Variants in TMEM207 observed in about 807,000 individuals in gnomAD.
TMEM207 encodes the protein transmembrane protein 207.
Under a neutral mutation model 17.4 loss-of-function variants are expected in TMEM207, and 15 were observed. The observed-to-expected ratio is 0.86, with a 90% CI of 0.58 to 1.33. The LOEUF (loss-of-function observed/expected upper bound fraction) is 1.33. TMEM207 is among the 40% of genes most tolerant of loss of function. The pLI is 0.00. For missense variants in TMEM207, 205 were observed against 173.8 expected (o/e 1.18, Z -1.01); for synonymous variants, 70 against 65.6 (o/e 1.07, Z -0.33).
intron 2 of TMEM207, among the ~76,000 whole-genome samples, chr3:190,442,898 T>G (rs1719964341): frequency 6.6e-6 from 1 of 152,198 alleles, no homozygotes; most frequent in Non-Finnish European, 1.5e-5. Flanking sequence ...AGTACAATGA[T>G]TTCGCCAAAA....
intron 2 of TMEM207, among the ~76,000 whole-genome samples, chr3:190,446,188 A>G (rs879632021): frequency 1.3e-5 from 2 of 152,206 alleles, no homozygotes; most frequent in African/African-American, 2.4e-5. Context: ...AAATGGATGA[A>G]TATGGTCTCT....
At chr3:190,441,561 T>C in intron 2 of TMEM207, 79 bp from the exon 3 acceptor site, 1 of 1,127,304 alleles carries the variant, frequency 8.9e-7, no homozygotes, top group Non-Finnish European at 1.3e-6. Flanking sequence ...AAATTGGTAC[T>C]GATCACACTT....
chr3:190,447,589 AG>A (rs975014353), intron 2 of TMEM207, among the ~76,000 whole-genome samples, 200 bp downstream of exon 2: 6 of 152,168 alleles, frequency 3.9e-5, no homozygotes, highest in African/African-American at 1.4e-4. Context: ...TATTTAACAA[AG>A]CTGATCGTAA....
intron 2 of TMEM207, among the ~76,000 whole-genome samples, chr3:190,443,145 C>CTTTTTTTTTTTTTTTTTTT (rs201791052): frequency 7.1e-5 from 10 of 140,332 alleles, no homozygotes; most frequent in Non-Finnish European, 9.3e-5. Flanking sequence ...ATTAAAAAAG[C>CTTTTTTTTTTTTTTTTTTT]TTTTTTTTTT....
rs554650660 is a variant in TMEM207, at chr3:190,449,636, A to C, written c.75+99T>G. 5.9e-6 allele frequency: 6 copies of C among 1,017,800 alleles called. No homozygotes were observed. In the East Asian group the frequency reaches 1.5e-4, roughly 26 times the overall value. The allele number at this position is 1,017,800 out of a possible 1,614,324, so 63.0% of individuals were successfully genotyped here. A position where few individuals can be genotyped will look rare whatever the true frequency, so the allele number is the denominator to read the frequency against. Reference sequence around the variant, plus strand: ...TTGAAGGAAATCTTTTAAATGTAGAAGCAGTTAAGTTGCTCACATATAAAT... The same window carrying C: ...TTGAAGGAAATCTTTTAAATGTAGACGCAGTTAAGTTGCTCACATATAAAT... On this transcript the variant is annotated intron_variant, in intron 1 of 4. Coordinates refer to ENST00000354905, the MANE Select transcript of TMEM207 (RefSeq NM_207316.3).
chr3:190,443,804 T>C (rs1035344739), intron 2 of TMEM207, among the ~76,000 whole-genome samples: 1 of 152,220 alleles, frequency 6.6e-6, no homozygotes, highest in Non-Finnish European at 1.5e-5. Context: ...GAAAATGAAA[T>C]TATTCCTCAG....
At chr3:190,443,305 A>G (rs778029383) in intron 2 of TMEM207, among the ~76,000 whole-genome samples, 1 of 151,972 alleles carries the variant, frequency 6.6e-6, no homozygotes, top group Non-Finnish European at 1.5e-5. Flanking sequence ...TCAATTCTAA[A>G]TATTAACCAC....
intron 4 of TMEM207, among the ~76,000 whole-genome samples, chr3:190,435,520 C>T (rs1478890979): frequency 6.6e-6 from 1 of 152,108 alleles, no homozygotes. Flanking sequence ...CAACAGGGGG[C>T]ATCAGAGGGA....
At chr3:190,440,192 C>G in intron 4 of TMEM207, 52 bp downstream of exon 4, 1 of 1,551,052 alleles carries the variant, frequency 6.4e-7, no homozygotes, top group Non-Finnish European at 8.7e-7. Flanking sequence ...TTCAATTAAC[C>G]GCAAAACCAC....
Position 190,436,567 on chromosome 3 carries a change from C to T in TMEM207, c.304+3677G>A, listed in dbSNP as rs184916487. ...GTGGAGGTAGATGCTGTGGTTTTGA[C>T]CCTCACCTCCTTCTGTAGCCACAAA... On this transcript the variant is annotated intron_variant, in intron 4 of 4. Coordinates refer to ENST00000354905, the MANE Select transcript of TMEM207 (RefSeq NM_207316.3). Among the ~76,000 whole-genome samples, 232 of 152,306 alleles carry T rather than the reference C, an allele frequency of 1.5e-3. 1 individual carries two copies. Among genetic ancestry groups the T allele is most frequent in the African/African-American group, 4.9e-3 (203 of 41,576 alleles).
At chr3:190,435,000 C>T (rs753218566) in intron 4 of TMEM207, among the ~76,000 whole-genome samples, 4 of 152,188 alleles carry the variant, frequency 2.6e-5, no homozygotes, top group Non-Finnish European at 4.4e-5. Flanking sequence ...TGTTTCTTCT[C>T]TTCTTCCTCT....
Position 190,440,254 on chromosome 3 carries a change from G to A in TMEM207, c.294C>T (p.Asp98=). 1.2e-6 allele frequency: 2 copies of A among 1,613,850 alleles called. No individual in the cohort carries two copies. Among genetic ancestry groups the A allele is most frequent in the Non-Finnish European group, 1.7e-6 (2 of 1,179,942 alleles). The part of the protein sequence containing the change: ...TMAVFAVGDL[D]SIYGTEAAVS... The stretch of plus-strand genomic sequence containing the variant: ...GTGCAGACAACTCACCATAAATAGA[G>A]TCCAAGTCTCCAACAGCAAAAACTG... The change falls in exon 4 of 5, where the codon GAC becomes GAT. Residue 98 remains aspartate, a synonymous_variant. Transcript: ENST00000354905.
At chr3:190,442,484 C>T (rs530452360) in intron 2 of TMEM207, among the ~76,000 whole-genome samples, 4 of 152,196 alleles carry the variant, frequency 2.6e-5, no homozygotes, top group Non-Finnish European at 4.4e-5. Flanking sequence ...TGACTTTTAA[C>T]ATATGTGAAG....
At chr3:190,434,855 G>C (rs564335785) in intron 4 of TMEM207, among the ~76,000 whole-genome samples, 2 of 152,178 alleles carry the variant, frequency 1.3e-5, no homozygotes, top group East Asian at 1.9e-4. Flanking sequence ...ATAGTAAAGG[G>C]AGAAGAAAGA....
chr3:190,433,458 TA>T (rs1338696890), intron 4 of TMEM207, among the ~76,000 whole-genome samples: 1 of 152,190 alleles, frequency 6.6e-6, no homozygotes, highest in Non-Finnish European at 1.5e-5. Flanking sequence ...TATCTTTTTT[TA>T]AAAAAACTAT....
chr3:190,441,558 T>C, intron 2 of TMEM207, 76 bp from the exon 3 acceptor site: 8 of 1,187,072 alleles, frequency 6.7e-6, no homozygotes, highest in Non-Finnish European at 9.9e-6. Context: ...ATAAAATTGG[T>C]ACTGATCACA....
chr3:190,449,710 T>C (rs1720119389), intron 1 of TMEM207, 25 bp downstream of exon 1: 2 of 1,612,280 alleles, frequency 1.2e-6, no homozygotes, highest in Non-Finnish European at 1.7e-6. Flanking sequence ...TCTGAAAACC[T>C]TAACCCAGAA....
intron 2 of TMEM207, 106 bp from the exon 3 acceptor site, chr3:190,441,588 C>T: frequency 1.2e-6 from 1 of 850,434 alleles, no homozygotes; most frequent in Non-Finnish European, 1.9e-6. Flanking sequence ...CCAGAACAGT[C>T]ACCTACATAT....
At chr3:190,439,226 A>G (rs913124135) in intron 4 of TMEM207, among the ~76,000 whole-genome samples, 4 of 150,182 alleles carry the variant, frequency 2.7e-5, no homozygotes, top group African/African-American at 9.8e-5. Context: ...CTGATAATGC[A>G]TTGCCTCTGT....
Sources: gnomAD v4.1 joint callset for allele counts (sites outside exome capture counted in the v4.1 genomes callset) on GRCh38, gnomAD v4.1.1 for gene constraint, MANE v1.5 for transcripts, NCBI Gene and HGNC (gene_info 2026-07-23, HGNC 2026-07-21) for gene names.